Variants in IQCM observed in about 807,000 individuals in gnomAD.
IQCM encodes IQ motif containing M.
A neutral mutation model predicts 57.6 loss-of-function variants in IQCM; 45 were observed. The observed-to-expected ratio is 0.78, with a 90% CI of 0.62 to 1.00. The LOEUF is 1.00. IQCM is among the 50% of genes least tolerant of loss of function. IQCM has a pLI of 0.00. For synonymous variants in IQCM, 148 were observed against 158.9 expected, an observed-to-expected ratio of 0.93 and a Z score of 0.51; for missense variants, 468 against 511.6, an observed-to-expected ratio of 0.91 and a Z score of 0.82.
chr4:149,615,983 C>A (rs534757561), intron 8 of IQCM, among the ~76,000 whole-genome samples: 2 of 152,176 alleles, frequency 1.3e-5, no homozygotes, highest in Non-Finnish European at 1.5e-5. Context: ...AAACTAGAAC[C>A]CTTGTGCATT....
chr4:149,376,708 A>C (rs774952111), intron 13 of IQCM, among the ~76,000 whole-genome samples: 1 of 152,214 alleles, frequency 6.6e-6, no homozygotes, highest in Non-Finnish European at 1.5e-5. Context: ...GGTAAGACAG[A>C]TAAGAAATGC....
At chr4:149,416,967 C>CA (rs907171580) in intron 13 of IQCM, among the ~76,000 whole-genome samples, 2 of 152,130 alleles carry the variant, frequency 1.3e-5, no homozygotes, top group South Asian at 4.1e-4. Flanking sequence ...ATTTCTGTAA[C>CA]AAAAAACTGT....
At chr4:149,391,164 T>C (rs7685594) in intron 13 of IQCM, among the ~76,000 whole-genome samples, 73,373 of 151,644 alleles carry the variant, frequency 0.48, 18,030 homozygotes, top group African/African-American at 0.54. Flanking sequence ...ACTAGTAGTT[T>C]GATCTCTCTA....
At chr4:149,358,543 T>TA (rs1297018993) in intron 13 of IQCM, among the ~76,000 whole-genome samples, 1 of 152,162 alleles carries the variant, frequency 6.6e-6, no homozygotes, top group Non-Finnish European at 1.5e-5. Context: ...AGTTTCCATG[T>TA]AGTTGAGTGG....
At chr4:149,502,460 G>C (rs1335992176) in intron 12 of IQCM, among the ~76,000 whole-genome samples, 2 of 152,086 alleles carry the variant, frequency 1.3e-5, no homozygotes, top group Admixed American at 6.6e-5. Flanking sequence ...TTGAGCCCAG[G>C]AGTTTGAGAC....
At chr4:149,555,332 A>G (rs1034159188) in intron 10 of IQCM, among the ~76,000 whole-genome samples, 1 of 152,204 alleles carries the variant, frequency 6.6e-6, no homozygotes, top group African/African-American at 2.4e-5. Context: ...GCCAAAAGTC[A>G]GGTGCTCATG....
chr4:149,439,969 T>G (rs1286236285), intron 12 of IQCM, among the ~76,000 whole-genome samples: 1 of 151,736 alleles, frequency 6.6e-6, no homozygotes, highest in Non-Finnish European at 1.5e-5. Context: ...TCTTTTTTTT[T>G]TTTTTGAGAC....
At chr4:149,506,304 T>A (rs763932533) in intron 12 of IQCM, among the ~76,000 whole-genome samples, 4 of 152,202 alleles carry the variant, frequency 2.6e-5, no homozygotes, top group Non-Finnish European at 5.9e-5. Context: ...CTACCTCTAT[T>A]GCAAAAGGAT....
chr4:149,678,216 C>T (rs1761911264), intron 7 of IQCM, among the ~76,000 whole-genome samples: 1 of 151,786 alleles, frequency 6.6e-6, no homozygotes, highest in Admixed American at 6.6e-5. Flanking sequence ...AATAAGACTA[C>T]TCCATGGCAT....
chr4:149,774,919 C>T (rs1770937720), intron 2 of IQCM, among the ~76,000 whole-genome samples: 1 of 151,138 alleles, frequency 6.6e-6, no homozygotes, highest in Non-Finnish European at 1.5e-5. Flanking sequence ...AATAATTAGA[C>T]ATTTATTTTT....
intron 2 of IQCM, among the ~76,000 whole-genome samples, chr4:149,799,856 C>CAA (rs146713359): frequency 2.3e-5 from 3 of 128,392 alleles, no homozygotes; most frequent in African/African-American, 1.1e-4. Flanking sequence ...AGTAAAAAAA[C>CAA]AAAAAAACAA....
intron 7 of IQCM, among the ~76,000 whole-genome samples, chr4:149,669,888 T>C (rs947932403): frequency 6.6e-6 from 1 of 152,200 alleles, no homozygotes; most frequent in Non-Finnish European, 1.5e-5. Flanking sequence ...AGCCTTATAG[T>C]ATAGTTAGAA....
intron 5 of IQCM, among the ~76,000 whole-genome samples, chr4:149,728,475 A>C (rs1766160843): frequency 6.6e-6 from 1 of 152,184 alleles, no homozygotes; most frequent in Admixed American, 6.5e-5. Flanking sequence ...TATTTACTGA[A>C]TATCTGAACT....
chr4:149,518,566 A>G (rs1024523282), intron 12 of IQCM, among the ~76,000 whole-genome samples: 25 of 152,166 alleles, frequency 1.6e-4, no homozygotes, highest in Non-Finnish European at 7.4e-5. Context: ...TACAAGTCAC[A>G]TGGGTCATAT....
chr4:149,612,394 A>G (rs1018023030), intron 8 of IQCM, among the ~76,000 whole-genome samples: 36 of 152,150 alleles, frequency 2.4e-4, no homozygotes, highest in African/African-American at 7.0e-4. Context: ...TTATTTTTCC[A>G]CCCATTTTCT....
chr4:149,427,564 A>C (rs1734549466), intron 13 of IQCM, among the ~76,000 whole-genome samples: 1 of 152,004 alleles, frequency 6.6e-6, no homozygotes, highest in African/African-American at 2.4e-5. Flanking sequence ...CATTTCACTA[A>C]ATGAGAAAGA....
intron 13 of IQCM, among the ~76,000 whole-genome samples, chr4:149,377,843 C>A: frequency 6.6e-6 from 1 of 152,136 alleles, no homozygotes; most frequent in Middle Eastern, 3.2e-3. Flanking sequence ...ACCTGTCCTT[C>A]CAGAGCTGGG....
In IQCM at chr4:149,365,729, TA is replaced by T. The variant is rs35493858; in HGVS notation, c.1391-13664del. Among the ~76,000 whole-genome samples, 4 of 151,774 alleles carry T rather than the reference TA, an allele frequency of 2.6e-5. No individual in the cohort carries two copies. In the South Asian group the frequency reaches 8.3e-4, roughly 31 times the overall value. ...AAAATTTGTAATCCCAATCTAAGCT[TA>T]AAAAAAATCAGACAAATCCAAATTG... On this transcript the variant is annotated intron_variant, in intron 13 of 13. Transcript: ENST00000636793.
At chr4:149,566,154 A>C (rs1750611356) in intron 9 of IQCM, among the ~76,000 whole-genome samples, 1 of 152,198 alleles carries the variant, frequency 6.6e-6, no homozygotes. Context: ...TATGAGACCA[A>C]GTGGAATGCA....
Sources: gnomAD v4.1 joint callset for allele counts (sites outside exome capture counted in the v4.1 genomes callset) on GRCh38, gnomAD v4.1.1 for gene constraint, MANE v1.5 for transcripts, NCBI Gene and HGNC (gene_info 2026-07-23, HGNC 2026-07-21) for gene names.